ATRNL1: variants seen among roughly 807,000 people sequenced by gnomAD.
ATRNL1 encodes attractin like 1, also known as attractin-like protein 1.
In ATRNL1, 95 loss-of-function variants were observed where a neutral mutation model predicts 182.7. That is an observed-to-expected ratio of 0.52 (90% CI 0.44 to 0.62). The LOEUF (loss-of-function observed/expected upper bound fraction) is 0.62, where lower values mean the gene tolerates loss of function less well. ATRNL1 is among the 20% of genes least tolerant of loss of function. The pLI is 0.00. For missense variants in ATRNL1, 1,471 were observed against 1,679.5 expected (o/e 0.88, Z 2.17); for synonymous variants, 576 against 568.3 (o/e 1.01, Z -0.19).
intron 26 of ATRNL1, among the ~76,000 whole-genome samples, chr10:115,577,709 T>G (rs1348393385): frequency 6.6e-6 from 1 of 151,064 alleles, no homozygotes; most frequent in African/African-American, 2.4e-5. Context: ...AGTTATAATT[T>G]TATTCTTCCT....
intron 27 of ATRNL1, among the ~76,000 whole-genome samples, chr10:115,827,894 C>G (rs940200329): frequency 1.9e-4 from 29 of 152,096 alleles, no homozygotes; most frequent in African/African-American, 7.0e-4. Context: ...GGCAGTACCC[C>G]AGAGCTCCTT....
intron 20 of ATRNL1, among the ~76,000 whole-genome samples, chr10:115,396,917 A>G (rs1844316855): frequency 6.6e-6 from 1 of 151,942 alleles, no homozygotes; most frequent in Non-Finnish European, 1.5e-5. Context: ...ATAGTTCTTA[A>G]TGATAAAAGT....
chr10:115,273,024 C>G (rs1851940605), intron 13 of ATRNL1, among the ~76,000 whole-genome samples: 1 of 152,184 alleles, frequency 6.6e-6, no homozygotes, highest in South Asian at 2.1e-4. Context: ...AAACAAAATG[C>G]TTCCCTTTCC....
chr10:115,943,910 T>C (rs149824430), intron 28 of ATRNL1, among the ~76,000 whole-genome samples: 15 of 152,226 alleles, frequency 9.9e-5, no homozygotes, highest in Non-Finnish European at 2.2e-4. Context: ...TAAATACATA[T>C]TTCTAAGTGA....
At chr10:115,783,781 G>A (rs1949326839) in intron 27 of ATRNL1, among the ~76,000 whole-genome samples, 1 of 152,106 alleles carries the variant, frequency 6.6e-6, no homozygotes, top group African/African-American at 2.4e-5. Context: ...TTGGGAGGCC[G>A]AGACGGGCAG....
intron 28 of ATRNL1, among the ~76,000 whole-genome samples, chr10:115,868,209 C>CAA: frequency 6.6e-6 from 1 of 152,298 alleles, no homozygotes; most frequent in South Asian, 2.1e-4. Flanking sequence ...CTGGGAGTTA[C>CAA]AACTTATTCT....
At chr10:115,431,769 C>G (rs2134415603) in intron 21 of ATRNL1, among the ~76,000 whole-genome samples, 1 of 152,170 alleles carries the variant, frequency 6.6e-6, no homozygotes, top group South Asian at 2.1e-4. Flanking sequence ...TATCTTTATT[C>G]TCTAGCTTTT....
intron 26 of ATRNL1, among the ~76,000 whole-genome samples, chr10:115,680,561 T>A (rs1472841455): frequency 2.0e-5 from 3 of 152,154 alleles, no homozygotes; most frequent in African/African-American, 7.2e-5. Context: ...TATGCAGTTA[T>A]GAAAAGTCTA....
chr10:115,867,637 T>A (rs1951468754), intron 28 of ATRNL1, among the ~76,000 whole-genome samples: 1 of 152,216 alleles, frequency 6.6e-6, no homozygotes, highest in Non-Finnish European at 1.5e-5. Flanking sequence ...TTATATTTTT[T>A]AACATAGCCA....
intron 19 of ATRNL1, among the ~76,000 whole-genome samples, chr10:115,385,773 C>A (rs1249680777): frequency 1.3e-5 from 2 of 152,014 alleles, no homozygotes; most frequent in Non-Finnish European, 2.9e-5. Flanking sequence ...CCTTTTTTCT[C>A]TTCCAGATGT....
intron 9 of ATRNL1, among the ~76,000 whole-genome samples, chr10:115,234,875 C>T (rs919196888): frequency 6.6e-6 from 1 of 152,020 alleles, no homozygotes; most frequent in African/African-American, 2.4e-5. Flanking sequence ...TGGTATGAGC[C>T]GGATTTGATT....
In ATRNL1 at chr10:115,662,555, C is replaced by A. The variant is rs570046738; in HGVS notation, c.3796-64693C>A. ...ACCTGTAGCCAATTTGTCACACTTT[C>A]TTTCTGAAACTTATTGAATAGTTTT... is the stretch of plus-strand genomic sequence containing the variant. On this transcript the variant is annotated intron_variant, in intron 26 of 28. Transcript: ENST00000355044. Among the ~76,000 whole-genome samples the A allele has an allele frequency of 9.2e-5, 14 of 152,200 alleles. No individual in the cohort carries two copies. The South Asian group carries it at 2.5e-3, about 27-fold the overall frequency.
At chr10:115,722,938 GT>G (rs1947476663) in intron 26 of ATRNL1, among the ~76,000 whole-genome samples, 1 of 152,134 alleles carries the variant, frequency 6.6e-6, no homozygotes, top group African/African-American at 2.4e-5. Context: ...AGTTTTAAAA[GT>G]TTATGCATAA....
intron 26 of ATRNL1, among the ~76,000 whole-genome samples, chr10:115,683,873 C>T (rs1253004455): frequency 6.6e-6 from 1 of 151,604 alleles, no homozygotes; most frequent in Admixed American, 6.6e-5. Flanking sequence ...AAATTACATA[C>T]ACATTAATAA....
intron 27 of ATRNL1, among the ~76,000 whole-genome samples, chr10:115,775,460 C>A (rs1326358363): frequency 6.6e-6 from 1 of 152,094 alleles, no homozygotes; most frequent in Non-Finnish European, 1.5e-5. Context: ...TGAATTGAAT[C>A]TGTATAAGAT....
At chr10:115,841,225 G>T (rs1298437756) in intron 27 of ATRNL1, among the ~76,000 whole-genome samples, 1 of 151,890 alleles carries the variant, frequency 6.6e-6, no homozygotes, top group African/African-American at 2.4e-5. Context: ...TTACTTTCTG[G>T]GACCTAAACA....
chr10:115,513,512 AG>A (rs1850493321), intron 24 of ATRNL1, among the ~76,000 whole-genome samples: 1 of 151,952 alleles, frequency 6.6e-6, no homozygotes, highest in Admixed American at 6.6e-5. Context: ...GATACATCCA[AG>A]TACCTGGTAC....
intron 28 of ATRNL1, among the ~76,000 whole-genome samples, chr10:115,893,548 T>C (rs1952132411): frequency 6.6e-6 from 1 of 152,208 alleles, no homozygotes; most frequent in Non-Finnish European, 1.5e-5. Flanking sequence ...TCTTTTTCTT[T>C]ATATCTTGCC....
intron 26 of ATRNL1, among the ~76,000 whole-genome samples, chr10:115,641,460 A>T (rs1859243328): frequency 1.3e-5 from 2 of 152,146 alleles, no homozygotes; most frequent in Admixed American, 6.6e-5. Context: ...AAGTTCCTGA[A>T]ATATTGTTAC....
Sources: allele counts gnomAD v4.1 joint callset (sites outside exome capture counted in the v4.1 genomes callset), GRCh38; gene constraint gnomAD v4.1.1; transcripts MANE v1.5; gene names NCBI Gene and HGNC (gene_info 2026-07-23, HGNC 2026-07-21).